Variants in ELFN2 observed in about 807,000 individuals in gnomAD.
ELFN2 encodes protein phosphatase 1 regulatory subunit 29.
Under a neutral mutation model 45.5 loss-of-function variants are expected in ELFN2, and 17 were observed. The ratio of observed to expected loss-of-function variants is 0.37; its 90% CI spans 0.26 to 0.56. ELFN2 has a LOEUF of 0.56. Among genes scored for constraint, ELFN2 ranks in the 20% least tolerant of loss-of-function variants. ELFN2 has a pLI of 0.77. For synonymous variants in ELFN2, 550 were observed against 551.5 expected (o/e 1.00, Z 0.04); for missense variants, 922 against 1,183.2 (o/e 0.78, Z 3.24).
chr22:37,355,104 T>A (rs1461094382), intron 1 of ELFN2, among the ~76,000 whole-genome samples: 1 of 152,202 alleles, frequency 6.6e-6, no homozygotes, highest in Non-Finnish European at 1.5e-5. Context: ...GGCGCTCTGC[T>A]GTGTTCCATG....
At chr22:37,350,868 C>G (rs1450914343) in intron 1 of ELFN2, among the ~76,000 whole-genome samples, 1 of 150,272 alleles carries the variant, frequency 6.7e-6, no homozygotes, top group Non-Finnish European at 1.5e-5. Context: ...CGGAGGGGCC[C>G]TCCCCTCTCA....
At chr22:37,379,325 A>G (rs1044652457) in intron 2 of ELFN2, among the ~76,000 whole-genome samples, 1 of 152,002 alleles carries the variant, frequency 6.6e-6, no homozygotes, top group Non-Finnish European at 1.5e-5. Flanking sequence ...GCCCAGAGGG[A>G]GAGGGGAGCA....
chr22:37,420,644 G>C (rs765292560), intron 1 of ELFN2, among the ~76,000 whole-genome samples: 2 of 152,230 alleles, frequency 1.3e-5, no homozygotes, highest in Non-Finnish European at 2.9e-5. Flanking sequence ...CAGCTGTGCA[G>C]CCTCGAACCC....
intron 2 of ELFN2, among the ~76,000 whole-genome samples, chr22:37,406,376 G>C (rs1281883627): frequency 6.6e-6 from 1 of 152,138 alleles, no homozygotes; most frequent in Non-Finnish European, 1.5e-5. Context: ...TGTGGTGCCT[G>C]TCAGCTCAAT....
At chr22:37,344,534 G>A (rs948684718) in intron 1 of ELFN2, among the ~76,000 whole-genome samples, 6 of 151,952 alleles carry the variant, frequency 3.9e-5, no homozygotes, top group African/African-American at 1.4e-4. Flanking sequence ...GGCCTTCCTG[G>A]TCCTGGCCCA....
At chr22:37,359,537 C>G (rs1303044500) in intron 1 of ELFN2, among the ~76,000 whole-genome samples, 2 of 152,234 alleles carry the variant, frequency 1.3e-5, no homozygotes, top group Non-Finnish European at 2.9e-5. Context: ...CCAACATTCT[C>G]GAGCGGCCCC....
At chr22:37,397,289 T>C (rs7286867) in intron 2 of ELFN2, among the ~76,000 whole-genome samples, 63,581 of 152,004 alleles carry the variant, frequency 0.42, 15,510 homozygotes, top group African/African-American at 0.68. Flanking sequence ...AAGCCTGGCA[T>C]GGAGAAGGCA....
chr22:37,398,025 A>G (rs112109689), intron 2 of ELFN2, among the ~76,000 whole-genome samples: 2,985 of 152,240 alleles, frequency 0.02, 117 homozygotes, highest in African/African-American at 0.069. Flanking sequence ...GTAAGGACAC[A>G]GCCAATAACA....
At chr22:37,383,784 A>G (rs1290835767) in intron 2 of ELFN2, among the ~76,000 whole-genome samples, 1 of 152,234 alleles carries the variant, frequency 6.6e-6, no homozygotes. Context: ...GAGCTTAACA[A>G]GAACCACACA....
chr22:37,366,015 T>C (rs150262371), downstream of ELFN2, among the ~76,000 whole-genome samples: 164 of 152,362 alleles, frequency 1.1e-3, no homozygotes, highest in Non-Finnish European at 1.8e-3. Flanking sequence ...TTTTAAGTAA[T>C]GGCTCACATG....
Position 37,369,205 on chromosome 22 carries a change from T to C in ELFN2, c.*3867A>G, listed in dbSNP as rs554266329. 1.4e-4 allele frequency: 21 copies of C among 152,250 alleles called. No homozygotes were observed. The highest frequency in any genetic ancestry group is 4.3e-4 in the African/African-American group (18 of 41,504). The allele number at this position is 152,250 out of a possible 1,614,324, so 9.4% of individuals were successfully genotyped here. On this transcript the variant is annotated 3_prime_UTR_variant, in exon 3 of 3. Transcript: ENST00000402918. ...TCTGCACTTCTGTTCACCCCGCTGT[T>C]ACATTTCCAGGAGGGAGTGGGGCAG...
intron 2 of ELFN2, among the ~76,000 whole-genome samples, chr22:37,399,127 T>C (rs1932294682): frequency 6.6e-6 from 1 of 152,086 alleles, no homozygotes; most frequent in Admixed American, 6.5e-5. Context: ...GTGAGCTTCT[T>C]ACCCCTCTCT....
At chr22:37,378,152 CG>C (rs1241036176) in intron 2 of ELFN2, among the ~76,000 whole-genome samples, 1 of 152,182 alleles carries the variant, frequency 6.6e-6, no homozygotes, top group East Asian at 1.9e-4. Flanking sequence ...CAAGGATGGG[CG>C]GGCAGGCGCG....
rs1383892990 is a variant in ELFN2 at position 37,362,945 on chromosome 22, G to A, written n.149-20242C>T. ...CGCCATCGTCCCTGCCCTAGAATGA[G>A]AGTCCACAGCCCATTGCCAGCACCC... On this transcript the variant is annotated intron_variant and non_coding_transcript_variant, in intron 1 of 2. Transcript: ENST00000452946. 4.6e-5 allele frequency among the ~76,000 whole-genome samples: 7 copies of A among 152,168 alleles called. No homozygotes were observed. The East Asian group carries it at 1.2e-3, about 25-fold the overall frequency.
At chr22:37,397,796 C>T (rs1013839108) in intron 2 of ELFN2, among the ~76,000 whole-genome samples, 6 of 151,914 alleles carry the variant, frequency 3.9e-5, no homozygotes, top group South Asian at 2.1e-4. Flanking sequence ...AGGAGGGGAA[C>T]GAGCTACCGG....
At chr22:37,379,109 A>C (rs1250299897) in intron 2 of ELFN2, among the ~76,000 whole-genome samples, 1 of 152,180 alleles carries the variant, frequency 6.6e-6, no homozygotes. Flanking sequence ...AAAAGCAAAA[A>C]TATCAAGACA....
At chr22:37,407,744 A>G (rs190975415) in intron 2 of ELFN2, among the ~76,000 whole-genome samples, 101 of 152,152 alleles carry the variant, frequency 6.6e-4, no homozygotes, top group Admixed American at 1.8e-3. Flanking sequence ...AAAAAAAAAA[A>G]ATTAGCTGGG....
chr22:37,348,619 T>C (rs1440751827), intron 1 of ELFN2, among the ~76,000 whole-genome samples: 1 of 150,588 alleles, frequency 6.6e-6, no homozygotes, highest in Non-Finnish European at 1.5e-5. Flanking sequence ...TCCCACACTC[T>C]TCCCCATGGT....
intron 1 of ELFN2, among the ~76,000 whole-genome samples, chr22:37,418,564 GCACA>G (rs1478397720): frequency 6.6e-6 from 1 of 151,746 alleles, no homozygotes; most frequent in Non-Finnish European, 1.5e-5. Context: ...ACGTGTGTGT[GCACA>G]CACACTCTCA....
Sources: gnomAD v4.1 joint callset for allele counts (sites outside exome capture counted in the v4.1 genomes callset) on GRCh38, gnomAD v4.1.1 for gene constraint, MANE v1.5 for transcripts, NCBI Gene and HGNC (gene_info 2026-07-23, HGNC 2026-07-21) for gene names.